Variants in BORCS8 observed in about 807,000 individuals in gnomAD.
BORCS8 encodes BLOC-1-related complex subunit 8.
BORCS8 carries 13 observed loss-of-function variants against 18.7 expected under a neutral mutation model. The ratio of observed to expected loss-of-function variants is 0.70; its 90% CI spans 0.45 to 1.11. The LOEUF is 1.11. Ranked by LOEUF, BORCS8 falls within the 50% of genes least tolerant of loss-of-function variation. BORCS8 has a pLI of 0.00. For missense variants in BORCS8, 165 were observed against 165.7 expected (o/e 1.00, Z 0.02); for synonymous variants, 68 against 64.8 (o/e 1.05, Z -0.24).
rs1054128021 is a variant in BORCS8, at chr19:19,186,996, T to C, written c.47A>G (p.Lys16Arg). The change falls in exon 2 of 6, where the codon AAG becomes AGG. Residue 16 changes from lysine (K) to arginine (R), a missense_variant. Coordinates refer to ENST00000462790, the MANE Select transcript of BORCS8 (RefSeq NM_001145784.2). ...CAGGACGTAGACGCTCTCAGTGAACTTGTCCGTGACTAGATACAGGTGGTA... is the reference window on the plus strand; with the variant it reads ...CAGGACGTAGACGCTCTCAGTGAACCTGTCCGTGACTAGATACAGGTGGTA... ...MQLKGKKVTD[K>R]FTESVYVLAN... 1.9e-5 allele frequency: 30 copies of C among 1,550,900 alleles called. No homozygotes were observed. Among genetic ancestry groups the C allele is most frequent in the Non-Finnish European group, 2.5e-5 (29 of 1,146,614 alleles).
chr19:19,184,455 C>T (rs752749533), intron 3 of BORCS8, among the ~76,000 whole-genome samples: 20 of 151,742 alleles, frequency 1.3e-4, no homozygotes, highest in Non-Finnish European at 2.6e-4. Context: ...ACAGGTGCCA[C>T]CACACCTGGC....
chr19:19,182,484 A>C lies in BORCS8; in HGVS notation c.326+89T>G. On this transcript the variant is annotated intron_variant, in intron 4 of 5. Transcript: ENST00000462790. This position sits in a 1 kb window ranked among gnomAD's most constrained non-coding sequence, Gnocchi z 4.1. ...ACAAAAGGAAAGAGACAGTTTTCTA[A>C]TAAGCGAGAAGCAGCGGTTCCCAGC... The C allele has an allele frequency of 6.7e-7, 1 of 1,482,370 alleles. No homozygotes were observed. Among genetic ancestry groups the C allele is most frequent in the Non-Finnish European group, 8.9e-7 (1 of 1,117,338 alleles). The allele number at this position is 1,482,370 out of a possible 1,614,324, so 91.8% of individuals were successfully genotyped here. A position where few individuals can be genotyped will look rare whatever the true frequency, so the allele number is the denominator to read the frequency against.
Position 19,186,042 on chromosome 19 carries a change from G to A in BORCS8, c.207C>T (p.Tyr69=), listed in dbSNP as rs892585002. 1.2e-5 allele frequency: 19 copies of A among 1,550,812 alleles called. No individual in the cohort carries two copies. In the African/African-American group the frequency reaches 1.5e-4, roughly 12 times the overall value. The part of the protein sequence containing the change: ...QSQGAIYTVE[Y]ACSAVKNLVD... ...GAGGCTGTGGCGCTCACCTGCAGGC[G>A]TACTCCACAGTGTAGATGGCTCCCT... Residue 69 remains tyrosine (Y), a synonymous_variant, in exon 3 of 6, where the codon TAC becomes TAT. Coordinates refer to ENST00000462790, the MANE Select transcript of BORCS8 (RefSeq NM_001145784.2).
chr19:19,180,892 T>C, intron 4 of BORCS8, 131 bp from the exon 5 acceptor site: 2 of 961,728 alleles, frequency 2.1e-6, no homozygotes, highest in South Asian at 1.7e-5. Flanking sequence ...TGGGGCATCC[T>C]GCTTAAAAGT....
chr19:19,185,968 C>T (rs1013292475), intron 3 of BORCS8, 66 bp downstream of exon 3: 139 of 1,491,330 alleles, frequency 9.3e-5, no homozygotes, highest in Non-Finnish European at 1.2e-4. Context: ...GCTGGGATGC[C>T]CCTGAATGCC....
intron 1 of BORCS8, among the ~76,000 whole-genome samples, chr19:19,190,012 T>C (rs2060450185): frequency 6.6e-6 from 1 of 152,164 alleles, no homozygotes; most frequent in East Asian, 1.9e-4. Context: ...GCCTTTGCAC[T>C]TGGTATTCCC....
In BORCS8 at chr19:19,181,686, G is replaced by T. The variant is rs1291254593; in HGVS notation, c.326+887C>A. Among the ~76,000 whole-genome samples the T allele has an allele frequency of 2.6e-5, 4 of 152,176 alleles. No homozygotes were observed. The East Asian group carries it at 7.7e-4, about 29-fold the overall frequency. ...GCCCAGATAAACCCTTCATGCTACCGTTTGAGGGAAGATTGCTACACTCCC... is the reference window on the plus strand; with the variant it reads ...GCCCAGATAAACCCTTCATGCTACCTTTTGAGGGAAGATTGCTACACTCCC... On this transcript the variant is annotated intron_variant, in intron 4 of 5. Transcript: ENST00000462790.
At position 19,188,453 on chromosome 19, in the gene BORCS8, T is replaced by C. The variant is rs541530364; in HGVS notation, c.38-1448A>G. ...GATTATAGGCATGAGCCACTGTGCC[T>C]GGCCCCCAGTGAACTCTTCTCATCT... On this transcript the variant is annotated intron_variant, in intron 1 of 5. Transcript: ENST00000462790. Among the ~76,000 whole-genome samples, 20 of 152,206 alleles carry C rather than the reference T, an allele frequency of 1.3e-4. No homozygotes were observed. The South Asian group carries it at 4.1e-3, about 32-fold the overall frequency.
At chr19:19,186,614 T>A (rs1033128213) in intron 2 of BORCS8, among the ~76,000 whole-genome samples, 1 of 152,244 alleles carries the variant, frequency 6.6e-6, no homozygotes, top group Middle Eastern at 3.2e-3. Flanking sequence ...ACATGTTTGC[T>A]TCCCCTTCTG....
chr19:19,190,132 C>A (rs146371710), intron 1 of BORCS8, among the ~76,000 whole-genome samples: 1 of 152,198 alleles, frequency 6.6e-6, no homozygotes, highest in South Asian at 2.1e-4. Flanking sequence ...GATGACCCCT[C>A]CACCTCACGG....
intron 2 of BORCS8, among the ~76,000 whole-genome samples, chr19:19,186,449 G>A (rs2060409958): frequency 6.6e-6 from 1 of 152,234 alleles, no homozygotes; most frequent in African/African-American, 2.4e-5. Flanking sequence ...TGTGTTGTGA[G>A]AGGGACCAGG....
chr19:19,180,863 G>C, intron 4 of BORCS8, 102 bp from the exon 5 acceptor site: 1 of 1,266,926 alleles, frequency 7.9e-7, no homozygotes, highest in Middle Eastern at 2.0e-4. Context: ...TGGTCTCAAA[G>C]ACCTCTGGCT....
At chr19:19,180,283 T>G in intron 5 of BORCS8, 2 of 213,472 alleles carry the variant, frequency 9.4e-6, no homozygotes, top group Non-Finnish European at 1.9e-5. Context: ...GGTGGGGAGG[T>G]CCCAGAGATA....
intron 1 of BORCS8, 123 bp downstream of exon 1, chr19:19,191,958 G>A (rs1326201815): frequency 6.8e-6 from 8 of 1,183,324 alleles, no homozygotes; most frequent in African/African-American, 3.1e-5. Flanking sequence ...GTCAGCGGCA[G>A]AGCTGGGATT....
At chr19:19,177,696 G>GGAAAAGAAAAGAAAAGAAAAGAAA in intron 5 of BORCS8, 1 of 74,650 alleles carries the variant, frequency 1.3e-5, no homozygotes, top group East Asian at 4.2e-4. Flanking sequence ...AAGGAAGGAA[G>GGAAAAGAAAAGAAAAGAAAAGAAA]AGAAAAGAAA....
At chr19:19,180,372 G>A (rs2060336461) in intron 5 of BORCS8, 1 of 416,354 alleles carries the variant, frequency 2.4e-6, no homozygotes, top group Admixed American at 4.1e-5. Context: ...TGGTAGGATA[G>A]AGGAAATGTG....
intron 1 of BORCS8, among the ~76,000 whole-genome samples, chr19:19,190,681 G>C (rs888908895): frequency 6.6e-6 from 1 of 152,104 alleles, no homozygotes; most frequent in Non-Finnish European, 1.5e-5. Context: ...CCAGCTATTC[G>C]GGAGGCTGAG....
intron 4 of BORCS8, among the ~76,000 whole-genome samples, chr19:19,181,173 C>A (rs1197598667): frequency 6.8e-6 from 1 of 147,710 alleles, no homozygotes; most frequent in East Asian, 2.0e-4. Flanking sequence ...CTAGCCTGGG[C>A]GACAAAGTGA....
At chr19:19,177,689 GAAGGAAGAGAAAAGAAAAGAAAAGA>G (rs1223460155) in intron 5 of BORCS8, 1,419 of 57,194 alleles carry the variant, frequency 0.025, 53 homozygotes, top group East Asian at 0.082. Flanking sequence ...AGGAAGGAAG[GAAGGAAGAGAAAAGAAAAGAAAAGA>G]AAAGAAAAGA....
Sources: allele counts gnomAD v4.1 joint callset (sites outside exome capture counted in the v4.1 genomes callset), GRCh38; gene constraint gnomAD v4.1.1; non-coding constraint Gnocchi (gnomAD v3.1); transcripts MANE v1.5; gene names NCBI Gene and HGNC (gene_info 2026-07-23, HGNC 2026-07-21).